PHACTR2: variants seen among roughly 807,000 people sequenced by gnomAD.
PHACTR2 encodes chromosome 6 open reading frame 56.
PHACTR2 carries 30 observed loss-of-function variants against 76.0 expected under a neutral mutation model. That is an observed-to-expected ratio of 0.39 (90% CI 0.30 to 0.54). The LOEUF is 0.54. Among genes scored for constraint, PHACTR2 ranks in the 20% least tolerant of loss-of-function variants. The pLI is 0.61. For missense variants in PHACTR2, 696 were observed against 781.1 expected (o/e 0.89, Z 1.30); for synonymous variants, 292 against 292.5 (o/e 1.00, Z 0.02).
chr6:143,774,193 C>A lies in PHACTR2; in HGVS notation c.1567C>A (p.Gln523Lys). Residue 523 changes from glutamine to lysine, a missense_variant, in exon 8 of 13, where the codon CAA becomes AAA. Around this residue, in one of 2 missense-constraint regions of PHACTR2, gnomAD observed 236 missense variants for 330.2 expected, o/e 0.71. Transcript: ENST00000440869. The surrounding 1 kb of genome is among the most constrained non-coding windows in gnomAD (Gnocchi z 5.4). ...AGAAGAGAGGCAGGAAATCCGACAA[C>A]AAATTGGAACCAAGTTAGTCAGGTA... is the stretch of plus-strand genomic sequence containing the variant. ...SEEERQEIRQ[Q>K]IGTKLVRRLS... The A allele has an allele frequency of 6.2e-7, 1 of 1,614,018 alleles. No individual in the cohort carries two copies.
At chr6:143,799,479 G>C (rs1582893060) in intron 11 of PHACTR2, among the ~76,000 whole-genome samples, 1 of 152,272 alleles carries the variant, frequency 6.6e-6, no homozygotes, top group East Asian at 1.9e-4. Context: ...TGTGATGTTA[G>C]GGTGTCGATT....
chr6:143,785,720 A>C (rs919357061), intron 10 of PHACTR2, among the ~76,000 whole-genome samples: 17 of 152,100 alleles, frequency 1.1e-4, no homozygotes, highest in Non-Finnish European at 1.6e-4. Flanking sequence ...TCAGTTTCTG[A>C]CTTCTTTTCA....
At chr6:143,540,801 T>C (rs911870279) in intron 1 of PHACTR2, among the ~76,000 whole-genome samples, 1 of 152,230 alleles carries the variant, frequency 6.6e-6, no homozygotes. Flanking sequence ...AAGATAGAAT[T>C]GAAGTAACAG....
intron 1 of PHACTR2, among the ~76,000 whole-genome samples, chr6:143,564,227 A>ATG (rs1775328509): frequency 9.0e-6 from 1 of 110,564 alleles, no homozygotes; most frequent in Non-Finnish European, 1.9e-5. Flanking sequence ...ATATATATAT[A>ATG]TATATATATG....
chr6:143,632,907 G>C (rs1438797608), intron 1 of PHACTR2, among the ~76,000 whole-genome samples: 1 of 152,100 alleles, frequency 6.6e-6, no homozygotes, highest in Non-Finnish European at 1.5e-5. Context: ...ATGCACTTAA[G>C]GTTCCTCCAT....
intron 1 of PHACTR2, among the ~76,000 whole-genome samples, chr6:143,542,047 C>G (rs1283337208): frequency 6.6e-6 from 1 of 152,168 alleles, no homozygotes; most frequent in East Asian, 1.9e-4. Context: ...CAAAGACCAT[C>G]TGGTTCTAAG....
At chr6:143,718,028 A>G (rs1778341187) in intron 2 of PHACTR2, among the ~76,000 whole-genome samples, 1 of 152,250 alleles carries the variant, frequency 6.6e-6, no homozygotes, top group Admixed American at 6.5e-5. Flanking sequence ...GTCCTTATTT[A>G]AAAGTAAGTT....
chr6:143,762,873 C>T (rs936610975), intron 5 of PHACTR2, among the ~76,000 whole-genome samples: 12 of 151,902 alleles, frequency 7.9e-5, no homozygotes, highest in Non-Finnish European at 1.0e-4. Flanking sequence ...TGAGGAGAGG[C>T]GACATTTTTT....
chr6:143,541,117 T>C lies in PHACTR2; in HGVS notation c.217+3910T>C, dbSNP rs1014799878. Among the ~76,000 whole-genome samples, 1 of 152,250 alleles carries C rather than the reference T, an allele frequency of 6.6e-6. No individual in the cohort carries two copies. The highest frequency in any genetic ancestry group is 2.4e-5 in the African/African-American group (1 of 41,464). On this transcript the variant is annotated intron_variant, in intron 1 of 11. Transcript: ENST00000367584. This position sits in a 1 kb window ranked among gnomAD's most constrained non-coding sequence, Gnocchi z 5.3. ...TGGATTTTTAAAATCCAGTATTTCT[T>C]TGTAAATAAAGTGATGTTTAACTCA...
rs1777563989 is a variant in PHACTR2, at chr6:143,688,176, GC to G, written c.46+9968del. ...GCCACAGGCAATGGGAACCACTGAC[GC>G]TTTTTTTTTTTTAAATCAAACCAGA... On this transcript the variant is annotated intron_variant, in intron 1 of 12. Coordinates refer to ENST00000440869, the MANE Select transcript of PHACTR2 (RefSeq NM_001100164.2). The surrounding 1 kb of genome is among the most constrained non-coding windows in gnomAD (Gnocchi z 5.2). 9.5e-6 allele frequency among the ~76,000 whole-genome samples: 1 copy of G among 105,428 alleles called. No homozygotes were observed. The highest frequency in any genetic ancestry group is 2.7e-4 in the East Asian group (1 of 3,668). 69.2% of individuals were successfully genotyped at this position (105,428 alleles called of 152,430 possible).
chr6:143,774,356 T>G lies in PHACTR2; in HGVS notation c.1589+141T>G, dbSNP rs1775225454. On this transcript the variant is annotated intron_variant, in intron 8 of 12. Coordinates refer to ENST00000440869, the MANE Select transcript of PHACTR2 (RefSeq NM_001100164.2). The surrounding 1 kb of genome is among the most constrained non-coding windows in gnomAD (Gnocchi z 5.4). ...TGGGTCTTTTAAAGTTGGTCTTGCA[T>G]GATGAAACACTCGAAGAACCTGTCC... is the stretch of plus-strand genomic sequence containing the variant. 1 of 566,084 alleles carries G rather than the reference T, an allele frequency of 1.8e-6. No homozygotes were observed. Among genetic ancestry groups the G allele is most frequent in the African/African-American group, 1.9e-5 (1 of 51,756 alleles). 35.1% of individuals were successfully genotyped at this position (566,084 alleles called of 1,614,324 possible).
Position 143,765,837 on chromosome 6 carries a change from T to C in PHACTR2, c.1232+39T>C, listed in dbSNP as rs925965407. The C allele has an allele frequency of 6.7e-7, 1 of 1,491,184 alleles. No homozygotes were observed. The highest frequency in any genetic ancestry group is 1.4e-5 in the African/African-American group (1 of 72,106). The allele number at this position is 1,491,184 out of a possible 1,614,324, so 92.4% of individuals were successfully genotyped here. A position where few individuals can be genotyped will look rare whatever the true frequency, so the allele number is the denominator to read the frequency against. On this transcript the variant is annotated intron_variant, in intron 6 of 12. Coordinates refer to ENST00000440869, the MANE Select transcript of PHACTR2 (RefSeq NM_001100164.2). This position sits in a 1 kb window ranked among gnomAD's most constrained non-coding sequence, Gnocchi z 4.1. ...CAAACCCCCTATTTTATCTGAGAAC[T>C]AAAGATCACTAATATATTCTGTTGG...
chr6:143,601,838 T>G (rs1348110498), intron 1 of PHACTR2, among the ~76,000 whole-genome samples: 3 of 152,206 alleles, frequency 2.0e-5, no homozygotes, highest in Non-Finnish European at 4.4e-5. Context: ...TGCCTTCATT[T>G]TCAGTGGAAG....
chr6:143,741,515 TAAG>T (rs946373224), intron 2 of PHACTR2, among the ~76,000 whole-genome samples: 7 of 151,962 alleles, frequency 4.6e-5, no homozygotes, highest in Admixed American at 2.6e-4. Context: ...ACAATAATAA[TAAG>T]AAGAAGAATT....
In PHACTR2 at chr6:143,665,581, A is replaced by G. The variant is rs1471655197; in HGVS notation, c.14-46435A>G. Reference sequence around the variant, plus strand: ...TTCCTTCCATCATCTTTTGTCTCCCACACCCCACATTCAATCCATAGGGAA... The same window carrying G: ...TTCCTTCCATCATCTTTTGTCTCCCGCACCCCACATTCAATCCATAGGGAA... On this transcript the variant is annotated intron_variant, in intron 1 of 11. Transcript: ENST00000305766. Among the ~76,000 whole-genome samples the G allele has an allele frequency of 5.9e-5, 9 of 152,328 alleles. No homozygotes were observed. The East Asian group carries it at 1.5e-3, about 26-fold the overall frequency.
intron 1 of PHACTR2, among the ~76,000 whole-genome samples, chr6:143,665,399 A>T (rs1365198078): frequency 6.6e-6 from 1 of 152,192 alleles, no homozygotes; most frequent in African/African-American, 2.4e-5. Flanking sequence ...CCTTGGCGAC[A>T]CATGGGATTG....
rs138128648 is a variant in PHACTR2 at position 143,628,761 on chromosome 6, G to A, written c.13+20439G>A. Reference sequence around the variant, plus strand: ...TCAGGGCAGGGAGGGGCTGAAGGTGGGGGAAGAGGGAGATCATTGTTTACC... The same window carrying A: ...TCAGGGCAGGGAGGGGCTGAAGGTGAGGGAAGAGGGAGATCATTGTTTACC... On this transcript the variant is annotated intron_variant, in intron 1 of 11. Coordinates refer to the PHACTR2 transcript ENST00000305766. 4.8e-3 allele frequency among the ~76,000 whole-genome samples: 731 copies of A among 151,726 alleles called. 5 individuals carry two copies. Among genetic ancestry groups the A allele is most frequent in the Non-Finnish European group, 7.7e-3 (526 of 67,934 alleles).
intron 2 of PHACTR2, among the ~76,000 whole-genome samples, chr6:143,732,243 A>G (rs1778716681): frequency 6.6e-6 from 1 of 152,226 alleles, no homozygotes; most frequent in African/African-American, 2.4e-5. Flanking sequence ...TCAATTTTAA[A>G]CATTTCCATC....
Position 143,578,332 on chromosome 6 carries a change from T to C in PHACTR2, c.217+41125T>C, listed in dbSNP as rs1432405409. On this transcript the variant is annotated intron_variant, in intron 1 of 11. Coordinates refer to the PHACTR2 transcript ENST00000367584. This position sits in a 1 kb window ranked among gnomAD's most constrained non-coding sequence, Gnocchi z 4.5. ...CTAGGATGATCTAGTTTGATTCAACTCTTCTTGGCCCTTAACTTTCCTCAG... is the reference window on the plus strand; with the variant it reads ...CTAGGATGATCTAGTTTGATTCAACCCTTCTTGGCCCTTAACTTTCCTCAG... 6.6e-6 allele frequency among the ~76,000 whole-genome samples: 1 copy of C among 152,166 alleles called. No individual in the cohort carries two copies. Among genetic ancestry groups the C allele is most frequent in the Non-Finnish European group, 1.5e-5 (1 of 68,026 alleles).
Sources: allele counts gnomAD v4.1 joint callset (sites outside exome capture counted in the v4.1 genomes callset), GRCh38; gene constraint gnomAD v4.1.1; regional missense constraint gnomAD v4.1.1; non-coding constraint Gnocchi (gnomAD v3.1); transcripts MANE v1.5; gene names NCBI Gene and HGNC (gene_info 2026-07-23, HGNC 2026-07-21).